Variants in UPF2 observed in about 807,000 individuals in gnomAD.
UPF2 encodes UPF2 regulator of nonsense mediated mRNA decay.
A neutral mutation model predicts 141.4 loss-of-function variants in UPF2; 17 were observed. The observed-to-expected ratio is 0.12, with a 90% CI of 0.08 to 0.18. The LOEUF is 0.18. Ranked by LOEUF, UPF2 falls within the 10% of genes least tolerant of loss-of-function variation. The probability of loss-of-function intolerance (pLI) is 1.00; values close to 1 mark genes in which losing one functional copy is unlikely to be tolerated. For synonymous variants in UPF2, 540 were observed against 498.0 expected (o/e 1.08, Z -1.12); for missense variants, 1,152 against 1,515.9 (o/e 0.76, Z 3.99).
intron 3 of UPF2, among the ~76,000 whole-genome samples, chr10:12,015,197 C>T (rs1411855187): frequency 6.6e-6 from 1 of 152,040 alleles, no homozygotes; most frequent in Non-Finnish European, 1.5e-5. Context: ...ACAAGTAATA[C>T]TTAGAAGTTT....
In UPF2 at chr10:11,959,342, T is replaced by C. The variant is rs1395500942; in HGVS notation, c.2199A>G (p.Arg733=). ...CATCAAGATGCATTGCTTGCTTCTT[T>C]CTCATCATTTGCTCCTGAAATAAAA... The part of the protein sequence containing the change: ...RTSVLLEQMM[R]KKQAMHLDAR... Residue 733 remains arginine (R), a synonymous_variant, in exon 12 of 22, where the codon AGA becomes AGG. Coordinates refer to ENST00000357604, the MANE Select transcript of UPF2 (RefSeq NM_015542.4). The surrounding 1 kb of genome is among the most constrained non-coding windows in gnomAD (Gnocchi z 5.9). 6.4e-7 allele frequency: 1 copy of C among 1,567,622 alleles called. No homozygotes were observed. The highest frequency in any genetic ancestry group is 1.7e-4 in the Middle Eastern group (1 of 5,844).
chr10:11,995,606 A>C (rs2131257852), intron 8 of UPF2, among the ~76,000 whole-genome samples: 1 of 152,202 alleles, frequency 6.6e-6, no homozygotes, highest in South Asian at 2.1e-4. Flanking sequence ...AACAGGGTGA[A>C]ACCCCATCTC....
chr10:12,006,384 T>C (rs1232766123), intron 4 of UPF2, among the ~76,000 whole-genome samples: 1 of 152,220 alleles, frequency 6.6e-6, no homozygotes, highest in Non-Finnish European at 1.5e-5. Context: ...TTCATGAACT[T>C]ATCTACTCTC....
chr10:11,943,852 G>A (rs1340270430), intron 16 of UPF2, among the ~76,000 whole-genome samples: 2 of 151,344 alleles, frequency 1.3e-5, no homozygotes, highest in African/African-American at 4.9e-5. Flanking sequence ...CCTCCACTTC[G>A]ATCAGCTGAA....
chr10:11,996,201 A>G (rs928850525), intron 8 of UPF2, among the ~76,000 whole-genome samples: 2 of 152,234 alleles, frequency 1.3e-5, no homozygotes, highest in Non-Finnish European at 2.9e-5. Flanking sequence ...TTAGAATAAT[A>G]TAACAATCTT....
chr10:12,034,988 T>A (rs1377217568), intron 2 of UPF2, 71 bp downstream of exon 2: 9 of 1,504,526 alleles, frequency 6.0e-6, no homozygotes, highest in Non-Finnish European at 7.9e-6. Flanking sequence ...ATATTTCAAA[T>A]AATGTTTTTT....
rs553418820 is a variant in UPF2 at position 11,953,854 on chromosome 10, G to T, written c.2850+1378C>A. Among the ~76,000 whole-genome samples, 1 of 152,130 alleles carries T rather than the reference G, an allele frequency of 6.6e-6. No individual in the cohort carries two copies. Among genetic ancestry groups the T allele is most frequent in the East Asian group, 1.9e-4 (1 of 5,202 alleles). On this transcript the variant is annotated intron_variant, in intron 14 of 21. Coordinates refer to ENST00000357604, the MANE Select transcript of UPF2 (RefSeq NM_015542.4). The surrounding 1 kb of genome is among the most constrained non-coding windows in gnomAD (Gnocchi z 5.0). ...AGCGGTAGGAGCAAGCTAACAGACC[G>T]CAATTCCCGAAGAATATTTACCCCC...
chr10:12,032,938 G>A (rs1193156440), intron 2 of UPF2, among the ~76,000 whole-genome samples: 1 of 151,504 alleles, frequency 6.6e-6, no homozygotes, highest in East Asian at 2.0e-4. Flanking sequence ...ACTGCAGTAC[G>A]TTATGATGGA....
At chr10:12,004,759 T>C (rs1174548546) in intron 4 of UPF2, 32 bp from the exon 5 acceptor site, 6 of 1,592,444 alleles carry the variant, frequency 3.8e-6, no homozygotes, top group South Asian at 1.1e-5. Flanking sequence ...GTAATTAACA[T>C]AACTTGAGGT....
At chr10:11,965,399 A>C (rs1833302493) in intron 10 of UPF2, among the ~76,000 whole-genome samples, 1 of 152,216 alleles carries the variant, frequency 6.6e-6, no homozygotes. Context: ...ACTAGTTTCC[A>C]GAGATGCTCT....
intron 1 of UPF2, among the ~76,000 whole-genome samples, chr10:12,039,316 C>G (rs1202297385): frequency 6.6e-6 from 1 of 152,120 alleles, no homozygotes; most frequent in Non-Finnish European, 1.5e-5. Context: ...GGGAGACATG[C>G]TGGTAAATAC....
chr10:11,996,238 T>C (rs1025170159), intron 8 of UPF2, among the ~76,000 whole-genome samples: 2 of 152,196 alleles, frequency 1.3e-5, no homozygotes, highest in Non-Finnish European at 2.9e-5. Flanking sequence ...GATTATAATA[T>C]ACTTAATTGT....
chr10:11,994,267 G>A lies in UPF2; in HGVS notation c.1844+3405C>T, dbSNP rs556500357. On this transcript the variant is annotated intron_variant, in intron 8 of 21. Coordinates refer to ENST00000357604, the MANE Select transcript of UPF2 (RefSeq NM_015542.4). ...TTCAAATATGGCACTGTCTGTAACA[G>A]TTAAATATAGTACATTCATCAAAAG... Among the ~76,000 whole-genome samples the A allele has an allele frequency of 5.9e-5, 9 of 152,272 alleles. No homozygotes were observed. In the South Asian group the frequency reaches 1.0e-3, roughly 18 times the overall value.
At chr10:11,944,900 T>C (rs925253440) in intron 16 of UPF2, among the ~76,000 whole-genome samples, 2 of 152,226 alleles carry the variant, frequency 1.3e-5, no homozygotes, top group African/African-American at 4.8e-5. Flanking sequence ...AAAGGCAAAC[T>C]GCCTGAGTTC....
chr10:11,970,986 G>C (rs980819794), intron 9 of UPF2, among the ~76,000 whole-genome samples: 3 of 151,832 alleles, frequency 2.0e-5, no homozygotes, highest in South Asian at 2.1e-4. Context: ...GCATTACTAA[G>C]CATTCTAGTT....
chr10:11,944,886 C>CG (rs1832981604), intron 16 of UPF2, among the ~76,000 whole-genome samples: 1 of 152,206 alleles, frequency 6.6e-6, no homozygotes, highest in Admixed American at 6.5e-5. Flanking sequence ...GGAACAGTGT[C>CG]GCAAAAGGCA....
At chr10:11,929,816 T>G (rs201659773) in intron 21 of UPF2, 49 bp downstream of exon 21, 1 of 1,596,020 alleles carries the variant, frequency 6.3e-7, no homozygotes, top group Admixed American at 1.7e-5. Flanking sequence ...TTTATTCTTA[T>G]GGACATCATG....
chr10:12,038,100 G>A (rs1350815685), intron 1 of UPF2, among the ~76,000 whole-genome samples: 1 of 152,056 alleles, frequency 6.6e-6, no homozygotes, highest in African/African-American at 2.4e-5. Context: ...TCGTCATTAG[G>A]GGCTGGGTGC....
intron 3 of UPF2, among the ~76,000 whole-genome samples, chr10:12,017,021 G>GA (rs11329571): frequency 0.019 from 2,235 of 116,206 alleles, 36 homozygotes; most frequent in African/African-American, 0.039. Context: ...CTCCATCTCG[G>GA]AAAAAAAAAA....
Sources: gnomAD v4.1 joint callset for allele counts (sites outside exome capture counted in the v4.1 genomes callset) on GRCh38, gnomAD v4.1.1 for gene constraint, Gnocchi (gnomAD v3.1) non-coding constraint, MANE v1.5 for transcripts, NCBI Gene and HGNC (gene_info 2026-07-23, HGNC 2026-07-21) for gene names.